Variants in PALM2AKAP2 observed in about 807,000 individuals in gnomAD.
PALM2AKAP2 encodes the protein PALM2-AKAP2 fusion protein.
PALM2AKAP2 carries 37 observed loss-of-function variants against 71.5 expected under a neutral mutation model. That is an observed-to-expected ratio of 0.52 (90% CI 0.40 to 0.68). The LOEUF (loss-of-function observed/expected upper bound fraction) is 0.68. PALM2AKAP2 is among the 30% of genes least tolerant of loss of function. PALM2AKAP2 has a pLI of 0.00. For missense variants in PALM2AKAP2, 1,224 were observed against 1,191.8 expected, an observed-to-expected ratio of 1.03 and a Z score of -0.40; for synonymous variants, 468 against 478.8, an observed-to-expected ratio of 0.98 and a Z score of 0.29.
intron 1 of PALM2AKAP2, among the ~76,000 whole-genome samples, chr9:109,691,855 TATATATATATATAC>T (rs1827892727): frequency 4.4e-5 from 2 of 45,248 alleles, no homozygotes; most frequent in South Asian, 7.8e-4. Context: ...TATATATATA[TATATATATATATAC>T]ACACACACAC....
In PALM2AKAP2 at chr9:109,867,586, C is replaced by T. The variant is rs773979035; in HGVS notation, c.126+15C>T. 3.1e-6 allele frequency: 5 copies of T among 1,609,096 alleles called. No individual in the cohort carries two copies. The East Asian group carries it at 6.7e-5, about 22-fold the overall frequency. On this transcript the variant is annotated intron_variant, in intron 2 of 9. Coordinates refer to the PALM2AKAP2 transcript ENST00000302798. ...AGCATTCCAAGGTAAGCAGCTGATC[C>T]CAGGAACCTATTCCATTATTAGACA... is the stretch of plus-strand genomic sequence containing the variant.
intron 1 of PALM2AKAP2, among the ~76,000 whole-genome samples, chr9:110,069,009 C>T (rs1834147471): frequency 6.6e-6 from 1 of 152,140 alleles, no homozygotes; most frequent in South Asian, 2.1e-4. Context: ...TCAGTGTTAC[C>T]TTGACTTAAT....
intron 3 of PALM2AKAP2, among the ~76,000 whole-genome samples, chr9:109,887,346 G>A (rs141761735): frequency 3.2e-3 from 485 of 152,330 alleles, no homozygotes; most frequent in African/African-American, 0.011. Context: ...TGAGCAGGGA[G>A]GGGAACACTC....
chr9:109,777,126 C>A (rs10115708), upstream of PALM2AKAP2, among the ~76,000 whole-genome samples: 3 of 152,006 alleles, frequency 2.0e-5, no homozygotes, highest in Admixed American at 6.5e-5. Context: ...CCCAACCCTA[C>A]GCCATCAGTC....
intron 1 of PALM2AKAP2, among the ~76,000 whole-genome samples, chr9:109,714,984 C>T (rs1180087509): frequency 3.3e-5 from 5 of 152,192 alleles, no homozygotes; most frequent in African/African-American, 1.2e-4. Flanking sequence ...TCCTACTGTG[C>T]CAGCCAATAA....
intron 7 of PALM2AKAP2, among the ~76,000 whole-genome samples, chr9:110,020,438 T>C (rs1391850158): frequency 6.6e-6 from 1 of 152,078 alleles, no homozygotes; most frequent in African/African-American, 2.4e-5. Context: ...ATCCTAGCAC[T>C]GTGGGAGGCC....
intron 1 of PALM2AKAP2, among the ~76,000 whole-genome samples, chr9:109,766,922 G>T (rs1315005246): frequency 6.6e-6 from 1 of 152,126 alleles, no homozygotes; most frequent in Non-Finnish European, 1.5e-5. Context: ...CAGTGCCAGT[G>T]CTGTTAGCCA....
chr9:110,119,569 C>T (rs1459478875), intron 1 of PALM2AKAP2, among the ~76,000 whole-genome samples: 2 of 152,092 alleles, frequency 1.3e-5, no homozygotes, highest in African/African-American at 4.8e-5. Flanking sequence ...AATTGCCATC[C>T]AACTTTATGG....
chr9:109,829,741 G>A (rs1304369151), intron 1 of PALM2AKAP2, among the ~76,000 whole-genome samples: 2 of 151,752 alleles, frequency 1.3e-5, no homozygotes, highest in Non-Finnish European at 2.9e-5. Flanking sequence ...CTTCAATTAA[G>A]GTTTGGGACT....
chr9:109,982,521 A>G (rs1037014278), intron 6 of PALM2AKAP2, among the ~76,000 whole-genome samples: 2 of 152,250 alleles, frequency 1.3e-5, no homozygotes, highest in Non-Finnish European at 2.9e-5. Flanking sequence ...TGGATACCCC[A>G]TCTACCCTGA....
intron 7 of PALM2AKAP2, among the ~76,000 whole-genome samples, chr9:110,016,769 G>C (rs1411638561): frequency 6.6e-6 from 1 of 152,112 alleles, no homozygotes; most frequent in Non-Finnish European, 1.5e-5. Context: ...GGGGGTGGGA[G>C]GGCTTTCTAA....
intron 1 of PALM2AKAP2, among the ~76,000 whole-genome samples, chr9:109,717,520 G>A (rs1244018643): frequency 6.6e-6 from 1 of 152,186 alleles, no homozygotes; most frequent in East Asian, 1.9e-4. Context: ...AGTTGGAGAG[G>A]CAAGACTGAT....
intron 2 of PALM2AKAP2, among the ~76,000 whole-genome samples, chr9:110,153,850 A>T (rs1385344601): frequency 6.6e-6 from 1 of 152,266 alleles, no homozygotes; most frequent in Non-Finnish European, 1.5e-5. Context: ...GTATGTGAAA[A>T]TGGCCTTCAC....
At chr9:109,964,544 T>G (rs1181956350) in intron 6 of PALM2AKAP2, among the ~76,000 whole-genome samples, 1 of 152,188 alleles carries the variant, frequency 6.6e-6, no homozygotes, top group African/African-American at 2.4e-5. Context: ...TTAACCCAAT[T>G]TAGCCTGTGA....
At chr9:110,128,908 A>C (rs1835675067) in intron 1 of PALM2AKAP2, among the ~76,000 whole-genome samples, 1 of 152,248 alleles carries the variant, frequency 6.6e-6, no homozygotes, top group Non-Finnish European at 1.5e-5. Flanking sequence ...ATGGGTGTCT[A>C]TGCCCAGTGG....
At chr9:109,668,610 G>A (rs1827527563) in intron 1 of PALM2AKAP2, among the ~76,000 whole-genome samples, 1 of 152,136 alleles carries the variant, frequency 6.6e-6, no homozygotes, top group South Asian at 2.1e-4. Context: ...TCCATTGTCT[G>A]GGGCACATAG....
Position 110,134,280 on chromosome 9 carries a change from T to TA in PALM2AKAP2, c.157-1836dup, listed in dbSNP as rs554794611. On this transcript the variant is annotated intron_variant, in intron 1 of 3. Coordinates refer to ENST00000374525, the Ensembl canonical transcript of PALM2AKAP2. ...GGCAACAGAGCAAGAGCCTGTCTCT[T>TA]AAAAAAAAAAAGGAAGGTGGTGGCA... 5.4e-3 allele frequency among the ~76,000 whole-genome samples: 784 copies of TA among 144,464 alleles called. 4 individuals carry two copies. Among genetic ancestry groups the TA allele is most frequent in the African/African-American group, 0.017 (653 of 39,552 alleles). The allele number at this position is 144,464 out of a possible 152,430, so 94.8% of individuals were successfully genotyped here.
intron 1 of PALM2AKAP2, among the ~76,000 whole-genome samples, chr9:109,751,081 C>A (rs1449659710): frequency 2.0e-5 from 3 of 152,140 alleles, no homozygotes; most frequent in Non-Finnish European, 4.4e-5. Flanking sequence ...ATACCTGAAT[C>A]CAGCCAGGCA....
At chr9:109,929,182 TGTTTC>T (rs1831032259) in intron 5 of PALM2AKAP2, among the ~76,000 whole-genome samples, 1 of 148,470 alleles carries the variant, frequency 6.7e-6, no homozygotes, top group Admixed American at 6.7e-5. Context: ...TTTTTTTTTT[TGTTTC>T]TTTTTTAAAC....
Sources: allele counts gnomAD v4.1 joint callset (sites outside exome capture counted in the v4.1 genomes callset), GRCh38; gene constraint gnomAD v4.1.1; transcripts MANE v1.5; gene names NCBI Gene and HGNC (gene_info 2026-07-23, HGNC 2026-07-21).